The following SLC8A2 variants were observed in gnomAD, a reference collection of about 807,000 sequenced individuals.
SLC8A2 encodes sodium/calcium exchanger 2.
A neutral mutation model predicts 70.2 loss-of-function variants in SLC8A2; 14 were observed. The observed-to-expected ratio is 0.20, with a 90% CI of 0.13 to 0.31. SLC8A2 has a LOEUF of 0.31. SLC8A2 is among the 10% of genes least tolerant of loss of function. SLC8A2 has a pLI of 1.00. For synonymous variants in SLC8A2, 575 were observed against 594.3 expected (o/e 0.97, Z 0.47); for missense variants, 779 against 1,320.1 (o/e 0.59, Z 6.35).
At chr19:47,441,637 C>T (rs1042696340) in intron 4 of SLC8A2, among the ~76,000 whole-genome samples, 197 bp from the exon 5 acceptor site, 2 of 152,126 alleles carry the variant, frequency 1.3e-5, no homozygotes, top group Admixed American at 1.3e-4. Flanking sequence ...CAAAACCAGG[C>T]ACTGGTGAGG....
At chr19:47,470,708 C>A (rs1214964650) in intron 1 of SLC8A2, among the ~76,000 whole-genome samples, 1 of 152,158 alleles carries the variant, frequency 6.6e-6, no homozygotes, top group Non-Finnish European at 1.5e-5. Flanking sequence ...AAGGACTGGT[C>A]CAGTTACACG....
chr19:47,460,741 G>A (rs920715148), intron 2 of SLC8A2, among the ~76,000 whole-genome samples: 1 of 151,362 alleles, frequency 6.6e-6, no homozygotes, highest in Non-Finnish European at 1.5e-5. Flanking sequence ...CATCGCCATC[G>A]TTATTATTTA....
rs1160988605 is a variant in SLC8A2 at position 47,466,190 on chromosome 19, C to A, written c.214G>T (p.Ala72Ser). The A allele has an allele frequency of 3.7e-6, 6 of 1,613,498 alleles. No individual in the cohort carries two copies. The highest frequency in any genetic ancestry group is 5.1e-6 in the Non-Finnish European group (6 of 1,179,584). The change falls in exon 2 of 10, where the codon GCA becomes TCA. Residue 72 changes from alanine (A) to serine (S), a missense_variant. By Grantham distance (99) the Ala-to-Ser change is moderately conservative. Around this residue, in one of 6 missense-constraint regions of SLC8A2, gnomAD observed 155 missense variants for 318.6 expected, o/e 0.49. Coordinates refer to ENST00000236877, the MANE Select transcript of SLC8A2 (RefSeq NM_015063.3). This position sits in a 1 kb window ranked among gnomAD's most constrained non-coding sequence, Gnocchi z 6.9. ...ACCATGGCCACAAAGTACACCACTG[C>A]CCGTGCCGCCTTGTCACCCAGCGAC... ...DPSLGDKAAR[A>S]VVYFVAMVYM...
At chr19:47,436,775 C>T (rs1239968751) in intron 8 of SLC8A2, among the ~76,000 whole-genome samples, 1 of 152,156 alleles carries the variant, frequency 6.6e-6, no homozygotes, top group African/African-American at 2.4e-5. Context: ...CCAAGACCGT[C>T]AGTGGGTACA....
At chr19:47,436,805 C>T (rs830158) in intron 8 of SLC8A2, among the ~76,000 whole-genome samples, 15,525 of 152,140 alleles carry the variant, frequency 0.1, 863 homozygotes, top group Middle Eastern at 0.16. Context: ...GTGTCTCTAG[C>T]CACAAGGGGG....
chr19:47,452,869 C>A (rs1009980880), intron 3 of SLC8A2, among the ~76,000 whole-genome samples: 1 of 151,934 alleles, frequency 6.6e-6, no homozygotes, highest in Non-Finnish European at 1.5e-5. Context: ...CCCATCTCTA[C>A]TAAAAATACA....
At position 47,465,834 on chromosome 19, in the gene SLC8A2, G is replaced by A; in HGVS notation, c.570C>T (p.Arg190=). 2 of 1,614,202 alleles carry A rather than the reference G, an allele frequency of 1.2e-6. No individual in the cohort carries two copies. The highest frequency in any genetic ancestry group is 1.7e-6 in the Non-Finnish European group (2 of 1,180,034). ...AGAAGACTCTCAGGTGCTTGATCTT[G>A]CGGCTCTCGCCGGCTGGGATGACGT... ...CIYVIPAGES[R]KIKHLRVFFV... The change falls in exon 2 of 10, where the codon CGC becomes CGT. Residue 190 remains arginine, a synonymous_variant. Coordinates refer to ENST00000236877, the MANE Select transcript of SLC8A2 (RefSeq NM_015063.3). The surrounding 1 kb of genome is among the most constrained non-coding windows in gnomAD (Gnocchi z 5.5).
At position 47,447,693 on chromosome 19, in the gene SLC8A2, A is replaced by C; in HGVS notation, c.1763+116T>G. On this transcript the variant is annotated intron_variant, in intron 4 of 9. Coordinates refer to ENST00000236877, the MANE Select transcript of SLC8A2 (RefSeq NM_015063.3). The surrounding 1 kb of genome is among the most constrained non-coding windows in gnomAD (Gnocchi z 5.1). ...GCAGGCCCCTCCCCTCCCGAGGCCC[A>C]ACCAAGACCCGCCCACTATGTGGGC... 8.7e-7 allele frequency: 1 copy of C among 1,153,962 alleles called. No individual in the cohort carries two copies. The highest frequency in any genetic ancestry group is 1.2e-6 in the Non-Finnish European group (1 of 868,966). The allele number at this position is 1,153,962 out of a possible 1,614,324, so 71.5% of individuals were successfully genotyped here. A position where few individuals can be genotyped will look rare whatever the true frequency, so the allele number is the denominator to read the frequency against.
chr19:47,459,518 G>A (rs1599857729), intron 2 of SLC8A2, among the ~76,000 whole-genome samples: 1 of 151,890 alleles, frequency 6.6e-6, no homozygotes, highest in African/African-American at 2.4e-5. Context: ...CTGTGTGTGT[G>A]CACGTGCGTG....
chr19:47,447,038 C>T lies in SLC8A2; in HGVS notation c.1763+771G>A, dbSNP rs10417870. On this transcript the variant is annotated intron_variant, in intron 4 of 9. Transcript: ENST00000236877. This position sits in a 1 kb window ranked among gnomAD's most constrained non-coding sequence, Gnocchi z 5.1. Reference sequence around the variant, plus strand: ...CTTCCCAGGCCCCCAGATTCCAGCACCATCTTTTCCCAAATCCTCGCCCAG... The same window carrying T: ...CTTCCCAGGCCCCCAGATTCCAGCATCATCTTTTCCCAAATCCTCGCCCAG... Among the ~76,000 whole-genome samples, 20,218 of 151,480 alleles carry T rather than the reference C, an allele frequency of 0.13. 1,471 individuals are homozygous for T. Among genetic ancestry groups the T allele is most frequent in the South Asian group, 0.25 (1,182 of 4,784 alleles).
At chr19:47,440,989 T>A (rs1967092792) in intron 6 of SLC8A2, among the ~76,000 whole-genome samples, 180 bp downstream of exon 6, 1 of 152,160 alleles carries the variant, frequency 6.6e-6, no homozygotes, top group African/African-American at 2.4e-5. Flanking sequence ...CCCAAACTCA[T>A]ACAGGCACCA....
rs1056652359 is a variant in SLC8A2, at chr19:47,447,655, C to G, written c.1763+154G>C. 2.9e-6 allele frequency: 2 copies of G among 696,010 alleles called. No individual in the cohort carries two copies. Among genetic ancestry groups the G allele is most frequent in the Non-Finnish European group, 4.4e-6 (2 of 450,576 alleles). The allele number at this position is 696,010 out of a possible 1,614,324, so 43.1% of individuals were successfully genotyped here. A position where few individuals can be genotyped will look rare whatever the true frequency, so the allele number is the denominator to read the frequency against. ...TGGGTCACAGGCCCCGCCCACGTTG[C>G]GGGCACGGCCACGCAGGCCCCTCCC... On this transcript the variant is annotated intron_variant, in intron 4 of 9. Coordinates refer to ENST00000236877, the MANE Select transcript of SLC8A2 (RefSeq NM_015063.3). The surrounding 1 kb of genome is among the most constrained non-coding windows in gnomAD (Gnocchi z 5.1).
intron 6 of SLC8A2, among the ~76,000 whole-genome samples, chr19:47,438,331 G>A (rs1599846016): frequency 6.6e-6 from 1 of 152,188 alleles, no homozygotes; most frequent in Non-Finnish European, 1.5e-5. Flanking sequence ...GTTAATTCGT[G>A]TGAAGTGCTT....
In SLC8A2 at chr19:47,465,485, G is replaced by T. The variant is rs1967445706; in HGVS notation, c.675+244C>A. Reference sequence around the variant, plus strand: ...CGTCCCTCTGGACAAATAAATGTTTGCTGCACCCTCCAGAGATATGGCTGG... The same window carrying T: ...CGTCCCTCTGGACAAATAAATGTTTTCTGCACCCTCCAGAGATATGGCTGG... On this transcript the variant is annotated intron_variant, in intron 2 of 9. Coordinates refer to ENST00000236877, the MANE Select transcript of SLC8A2 (RefSeq NM_015063.3). The surrounding 1 kb of genome is among the most constrained non-coding windows in gnomAD (Gnocchi z 5.5). 6.6e-6 allele frequency among the ~76,000 whole-genome samples: 1 copy of T among 152,098 alleles called. No homozygotes were observed. The highest frequency in any genetic ancestry group is 6.6e-5 in the Admixed American group (1 of 15,206).
At position 47,447,732 on chromosome 19, in the gene SLC8A2, G is replaced by GC; in HGVS notation, c.1763+76dup. 7.1e-7 allele frequency: 1 copy of GC among 1,406,606 alleles called. No homozygotes were observed. The highest frequency in any genetic ancestry group is 1.4e-5 in the South Asian group (1 of 71,122). The allele number at this position is 1,406,606 out of a possible 1,614,324, so 87.1% of individuals were successfully genotyped here. On this transcript the variant is annotated intron_variant, in intron 4 of 9. Coordinates refer to ENST00000236877, the MANE Select transcript of SLC8A2 (RefSeq NM_015063.3). This position sits in a 1 kb window ranked among gnomAD's most constrained non-coding sequence, Gnocchi z 5.1. ...CACTATGTGGGCATGGCTCACCCAG[G>GC]CCCCGCCCCTGAGCCACATCAGGCC...
At chr19:47,450,955 T>G (rs1015546162) in intron 3 of SLC8A2, among the ~76,000 whole-genome samples, 2 of 152,096 alleles carry the variant, frequency 1.3e-5, no homozygotes, top group Non-Finnish European at 2.9e-5. Context: ...ATGAGACATT[T>G]ACATGTAAGG....
In SLC8A2 at chr19:47,466,386, C is replaced by A; in HGVS notation, c.18G>T (p.Leu6Phe). The A allele has an allele frequency of 7.0e-7, 1 of 1,426,568 alleles. No homozygotes were observed. Among genetic ancestry groups the A allele is most frequent in the Non-Finnish European group, 9.2e-7 (1 of 1,089,548 alleles). The allele number at this position is 1,426,568 out of a possible 1,614,324, so 88.4% of individuals were successfully genotyped here. Residue 6 changes from leucine (L) to phenylalanine (F), a missense_variant, in exon 2 of 10, where the codon TTG (leucine) becomes TTT (phenylalanine). By Grantham distance (22) the Leu-to-Phe change is conservative. Transcript: ENST00000236877. This position sits in a 1 kb window ranked among gnomAD's most constrained non-coding sequence, Gnocchi z 6.9. MAPLALVGVTLLLAAP... is the reference protein window; with the variant it reads MAPLAFVGVTLLLAAP... ...CCGCCAGGAGGAGTGTGACCCCCAC[C>A]AAGGCCAGGGGAGCCATGGGGGGTG...
Position 47,470,941 on chromosome 19 carries a change from C to A in SLC8A2, c.-17+848G>T, listed in dbSNP as rs1040975932. 6.6e-5 allele frequency among the ~76,000 whole-genome samples: 10 copies of A among 151,808 alleles called. 1 individual carries two copies. The highest frequency in any genetic ancestry group is 6.6e-4 in the Admixed American group (10 of 15,250). On this transcript the variant is annotated intron_variant, in intron 1 of 9. Transcript: ENST00000236877. ...GGAGAGGAGTTTAGAGGACTCCAGG[C>A]CTGGGGGAGCCCACTCTGCGGGTGG...
intron 2 of SLC8A2, among the ~76,000 whole-genome samples, chr19:47,458,186 A>C (rs1343219024): frequency 0.016 from 1,108 of 71,096 alleles, no homozygotes; most frequent in Middle Eastern, 0.025. Context: ...TCTCCTCCCC[A>C]CTCCCCGTCT....
Sources: allele counts gnomAD v4.1 joint callset (sites outside exome capture counted in the v4.1 genomes callset), GRCh38; gene constraint gnomAD v4.1.1; regional missense constraint gnomAD v4.1.1; non-coding constraint Gnocchi (gnomAD v3.1); transcripts MANE v1.5; gene names NCBI Gene and HGNC (gene_info 2026-07-23, HGNC 2026-07-21).